Variants in GSE1 observed in about 807,000 individuals in gnomAD.
The protein encoded by GSE1 is Gse1 coiled-coil protein.
In GSE1, 32 loss-of-function variants were observed where a neutral mutation model predicts 112.6. The observed-to-expected ratio is 0.28, with a 90% confidence interval of 0.21 to 0.38. The LOEUF (loss-of-function observed/expected upper bound fraction) is 0.38, where lower values mean the gene tolerates loss of function less well. Among genes scored for constraint, GSE1 ranks in the 10% least tolerant of loss-of-function variants. The pLI is 1.00. For synonymous variants in GSE1, 1,115 were observed against 735.6 expected (o/e 1.52, Z -8.35); for missense variants, 2,348 against 1,699.2 (o/e 1.38, Z -6.71).
intron 1 of GSE1, among the ~76,000 whole-genome samples, chr16:85,245,343 C>G (rs549593724): frequency 1.9e-3 from 283 of 152,314 alleles, no homozygotes; most frequent in Admixed American, 4.1e-3. Context: ...ATCACCCTCC[C>G]GAGACTTTCT....
chr16:85,555,397 GGGGGGAGGGGTGTTGGTGGCGAGA>G (rs2045152768), upstream of GSE1: 12 of 984,272 alleles, frequency 1.2e-5, no homozygotes, highest in Non-Finnish European at 1.3e-5. Context: ...CCAAAAAAGG[GGGGGGAGGGGTGTTGGTGGCGAGA>G]GGGGGAGGGG....
At chr16:85,220,967 C>T (rs1338624109) in intron 1 of GSE1, among the ~76,000 whole-genome samples, 3 of 148,044 alleles carry the variant, frequency 2.0e-5, no homozygotes, top group African/African-American at 2.5e-5. Context: ...TGGCCCCTCT[C>T]CCCCTCCCTG....
chr16:85,556,146 G>T (rs1455829887), exon 1 of GSE1: 2 of 957,926 alleles, frequency 2.1e-6, no homozygotes, highest in Non-Finnish European at 2.4e-6. Flanking sequence ...TGCGGGGCGG[G>T]GGGGGGAAAG....
chr16:85,335,589 G>A (rs1359996594), intron 1 of GSE1, among the ~76,000 whole-genome samples: 1 of 152,192 alleles, frequency 6.6e-6, no homozygotes, highest in Non-Finnish European at 1.5e-5. Flanking sequence ...GAGGTACATG[G>A]GGTGAGGCCG....
chr16:85,632,488 T>C (rs1182881242), intron 1 of GSE1, among the ~76,000 whole-genome samples: 1 of 152,142 alleles, frequency 6.6e-6, no homozygotes, highest in African/African-American at 2.4e-5. Context: ...TCACGGCCTT[T>C]GGTGGCAAGT....
At chr16:85,612,067 T>C (rs2048020172), upstream of GSE1, among the ~76,000 whole-genome samples, 1 of 151,550 alleles carries the variant, frequency 6.6e-6, no homozygotes, top group African/African-American at 2.4e-5. Flanking sequence ...ACGCGCTAGA[T>C]CAGAGGGGTG....
chr16:85,636,588 T>G (rs1329009361), intron 2 of GSE1, among the ~76,000 whole-genome samples: 1 of 152,122 alleles, frequency 6.6e-6, no homozygotes, highest in African/African-American at 2.4e-5. Flanking sequence ...CCCGGGACCC[T>G]CGGGCAGCTG....
At chr16:85,666,756 C>T in intron 13 of GSE1, 1 of 218,320 alleles carries the variant, frequency 4.6e-6, no homozygotes. Flanking sequence ...AGATGGCCGC[C>T]AGTCCTCAGG....
At chr16:85,621,891 C>G (rs927436399) in intron 1 of GSE1, among the ~76,000 whole-genome samples, 1 of 152,202 alleles carries the variant, frequency 6.6e-6, no homozygotes, top group Non-Finnish European at 1.5e-5. Context: ...ACTCCCCATG[C>G]AGCCTTCAGG....
intron 1 of GSE1, among the ~76,000 whole-genome samples, chr16:85,581,484 G>T (rs776778675): frequency 6.6e-6 from 1 of 151,870 alleles, no homozygotes; most frequent in Non-Finnish European, 1.5e-5. Flanking sequence ...GGGAGCTGAC[G>T]GGTTATCAGG....
intron 1 of GSE1, among the ~76,000 whole-genome samples, chr16:85,272,008 C>G (rs1283159419): frequency 6.6e-6 from 1 of 152,240 alleles, no homozygotes. Context: ...TGTGTCACCC[C>G]TTCCCTCTGG....
intron 2 of GSE1, among the ~76,000 whole-genome samples, chr16:85,374,247 G>A (rs990675533): frequency 2.0e-5 from 3 of 150,564 alleles, no homozygotes; most frequent in Admixed American, 1.3e-4. Flanking sequence ...GTGCATGGTC[G>A]TGCGTGGTCC....
chr16:85,275,962 G>A (rs1465133359), intron 1 of GSE1, among the ~76,000 whole-genome samples: 2 of 152,248 alleles, frequency 1.3e-5, no homozygotes, highest in African/African-American at 2.4e-5. Flanking sequence ...CAGAGGGGGT[G>A]CTTTCTATGT....
chr16:85,314,850 A>G (rs1241941623), intron 1 of GSE1, among the ~76,000 whole-genome samples: 2 of 152,170 alleles, frequency 1.3e-5, no homozygotes, highest in Non-Finnish European at 2.9e-5. Context: ...GAGAGGAGAC[A>G]GAACCATCCT....
chr16:85,510,738 C>G (rs1478349511), intron 2 of GSE1, among the ~76,000 whole-genome samples: 2 of 152,244 alleles, frequency 1.3e-5, no homozygotes, highest in East Asian at 1.9e-4. Context: ...AACCCCAGAG[C>G]CCCCCGCGAC....
chr16:85,245,267 C>T lies in GSE1; in HGVS notation c.2283+73460C>T, dbSNP rs1239126177. Reference sequence around the variant, plus strand: ...ATTATAGCTTCTGATATCTCTCAGCCGCAGCCCTTGCCCTGCTATTAAAGC... The same window carrying T: ...ATTATAGCTTCTGATATCTCTCAGCTGCAGCCCTTGCCCTGCTATTAAAGC... On this transcript the variant is annotated intron_variant, in intron 1 of 2. Transcript: ENST00000637419. 5.3e-5 allele frequency among the ~76,000 whole-genome samples: 8 copies of T among 152,318 alleles called. No homozygotes were observed. In the East Asian group the frequency reaches 7.7e-4, roughly 15 times the overall value.
intron 1 of GSE1, among the ~76,000 whole-genome samples, chr16:85,214,250 C>T (rs527974180): frequency 1.3e-5 from 2 of 152,086 alleles, no homozygotes; most frequent in African/African-American, 4.8e-5. Flanking sequence ...AGGGCCCCCC[C>T]ACCCAGATTC....
rs141784195 is a variant in GSE1, at chr16:85,647,767, A to G, written c.227-785A>G. Reference sequence around the variant, plus strand: ...ACGCCCGGCTAATATTTGTATTTTTAGTAGAGACAGGGTTTCACCATGTTG... The same window carrying G: ...ACGCCCGGCTAATATTTGTATTTTTGGTAGAGACAGGGTTTCACCATGTTG... On this transcript the variant is annotated intron_variant, in intron 2 of 15. Transcript: ENST00000253458. 5.0e-3 allele frequency among the ~76,000 whole-genome samples: 760 copies of G among 152,224 alleles called. 6 individuals carry two copies. The highest frequency in any genetic ancestry group is 0.016 in the African/African-American group (683 of 41,538).
intron 1 of GSE1, among the ~76,000 whole-genome samples, chr16:85,270,332 C>G (rs1234773942): frequency 6.7e-6 from 1 of 148,936 alleles, no homozygotes; most frequent in Non-Finnish European, 1.5e-5. Context: ...CTCTCCCTGT[C>G]TGATGGATAG....
Sources: allele counts gnomAD v4.1 joint callset (sites outside exome capture counted in the v4.1 genomes callset), GRCh38; gene constraint gnomAD v4.1.1; transcripts MANE v1.5; gene names NCBI Gene and HGNC (gene_info 2026-07-23, HGNC 2026-07-21).